The following MYO3A variants were observed in gnomAD, a reference collection of about 807,000 sequenced individuals.
MYO3A encodes the protein myosin-IIIa.
MYO3A carries 180 observed loss-of-function variants against 192.7 expected under a neutral mutation model. The ratio of observed to expected loss-of-function variants is 0.93; its 90% CI spans 0.83 to 1.06. The LOEUF (loss-of-function observed/expected upper bound fraction) is 1.06. Among genes scored for constraint, MYO3A ranks in the 50% least tolerant of loss-of-function variants. The pLI is 0.00. For missense variants in MYO3A, 1,896 were observed against 1,905.0 expected (o/e 1.00, Z 0.09); for synonymous variants, 628 against 645.3 (o/e 0.97, Z 0.41).
At chr10:26,113,819 G>A (rs921081754) in intron 17 of MYO3A, among the ~76,000 whole-genome samples, 2 of 152,086 alleles carry the variant, frequency 1.3e-5, no homozygotes, top group East Asian at 1.9e-4. Flanking sequence ...TAAAAGGAGG[G>A]GAAAGGGATA....
intron 34 of MYO3A, among the ~76,000 whole-genome samples, chr10:26,208,620 G>T (rs1197400765): frequency 6.6e-6 from 1 of 152,210 alleles, no homozygotes; most frequent in Non-Finnish European, 1.5e-5. Context: ...GAAAATTCAA[G>T]TCAGTAACTC....
intron 4 of MYO3A, among the ~76,000 whole-genome samples, chr10:25,993,543 G>C (rs2130877686): frequency 6.6e-6 from 1 of 152,048 alleles, no homozygotes; most frequent in East Asian, 1.9e-4. Context: ...GTTATTTCTT[G>C]CCTTCTGCTA....
At chr10:26,178,979 T>A (rs1385195578) in intron 31 of MYO3A, among the ~76,000 whole-genome samples, 1 of 151,510 alleles carries the variant, frequency 6.6e-6, no homozygotes, top group Non-Finnish European at 1.5e-5. Flanking sequence ...TTTTTTATAT[T>A]TTTAGTAGAG....
At chr10:26,065,334 A>G (rs1474170744) in intron 10 of MYO3A, among the ~76,000 whole-genome samples, 1 of 152,158 alleles carries the variant, frequency 6.6e-6, no homozygotes. Flanking sequence ...CTATAATCCA[A>G]GCACACTGGG....
At chr10:25,943,117 T>G (rs183381366) in intron 2 of MYO3A, among the ~76,000 whole-genome samples, 31 of 152,184 alleles carry the variant, frequency 2.0e-4, no homozygotes, top group African/African-American at 7.2e-4. Context: ...GAGTTAATTT[T>G]TATATATGAT....
chr10:26,066,674 G>A (rs371334840), intron 10 of MYO3A, among the ~76,000 whole-genome samples: 1 of 152,254 alleles, frequency 6.6e-6, no homozygotes. Context: ...TCATCACCTT[G>A]TAACAGATTC....
At chr10:25,935,525 G>C (rs922223944) in intron 1 of MYO3A, among the ~76,000 whole-genome samples, 3 of 152,136 alleles carry the variant, frequency 2.0e-5, no homozygotes, top group Admixed American at 6.5e-5. Context: ...TAATTCAGAC[G>C]GATCTGGTAG....
At chr10:26,099,672 G>A (rs1837305427) in intron 17 of MYO3A, among the ~76,000 whole-genome samples, 1 of 152,148 alleles carries the variant, frequency 6.6e-6, no homozygotes. Flanking sequence ...AGATAATCAT[G>A]TGGTTTTTGT....
At chr10:26,078,974 A>T (rs1260073869) in intron 14 of MYO3A, among the ~76,000 whole-genome samples, 1 of 152,306 alleles carries the variant, frequency 6.6e-6, no homozygotes, top group East Asian at 1.9e-4. Flanking sequence ...GTTGAATAGA[A>T]TGTATATTCT....
chr10:26,128,844 G>A (rs183120584), intron 20 of MYO3A, among the ~76,000 whole-genome samples: 6 of 152,190 alleles, frequency 3.9e-5, no homozygotes, highest in South Asian at 2.1e-4. Context: ...AGACAGATGC[G>A]TCCAACAGTT....
intron 18 of MYO3A, among the ~76,000 whole-genome samples, chr10:26,123,000 C>T (rs968650368): frequency 2.0e-5 from 3 of 152,098 alleles, no homozygotes; most frequent in Non-Finnish European, 4.4e-5. Context: ...ACTAGGGAAT[C>T]GGTATTGTAG....
intron 17 of MYO3A, among the ~76,000 whole-genome samples, chr10:26,113,109 A>G (rs1200655326): frequency 1.3e-5 from 2 of 152,210 alleles, no homozygotes; most frequent in Non-Finnish European, 2.9e-5. Context: ...TATTTGTGAA[A>G]GAAATTAAAT....
At chr10:26,140,231 C>A (rs1466601151) in intron 20 of MYO3A, among the ~76,000 whole-genome samples, 1 of 152,196 alleles carries the variant, frequency 6.6e-6, no homozygotes, top group Admixed American at 6.5e-5. Context: ...ACCACCCTTC[C>A]ATGCTGCTGT....
In MYO3A at chr10:26,153,975, C is replaced by G. The variant is rs757039876; in HGVS notation, c.2715+46C>G. The G allele has an allele frequency of 7.6e-6, 10 of 1,318,294 alleles. No homozygotes were observed. The Admixed American group carries it at 1.0e-4, about 13-fold the overall frequency. 81.7% of individuals were successfully genotyped at this position (1,318,294 alleles called of 1,614,324 possible). A position where few individuals can be genotyped will look rare whatever the true frequency, so the allele number is the denominator to read the frequency against. ...TTGGCAGTGAGTCTAAGAATCTAAC[C>G]GGTATGATGGCAATATTTGTATGCT... On this transcript the variant is annotated intron_variant, in intron 24 of 34. Coordinates refer to ENST00000642920, the MANE Select transcript of MYO3A (RefSeq NM_017433.5).
At chr10:25,959,722 C>T (rs754198449) in intron 4 of MYO3A, among the ~76,000 whole-genome samples, 7 of 151,892 alleles carry the variant, frequency 4.6e-5, no homozygotes, top group Non-Finnish European at 1.0e-4. Flanking sequence ...CCCAGATTAC[C>T]CATTTTGCTG....
chr10:26,172,533 G>T (rs192898741), intron 29 of MYO3A, among the ~76,000 whole-genome samples: 1 of 152,288 alleles, frequency 6.6e-6, no homozygotes, highest in African/African-American at 2.4e-5. Context: ...TGCATTTAAA[G>T]GATCAAAACT....
intron 10 of MYO3A, among the ~76,000 whole-genome samples, chr10:26,049,768 T>C (rs1843876973): frequency 6.7e-6 from 1 of 149,170 alleles, no homozygotes; most frequent in South Asian, 2.2e-4. Flanking sequence ...CTTTGCCTTC[T>C]GGGTTCAAGC....
intron 4 of MYO3A, among the ~76,000 whole-genome samples, chr10:25,988,901 A>G (rs995431815): frequency 6.7e-6 from 1 of 150,086 alleles, no homozygotes; most frequent in Non-Finnish European, 1.5e-5. Flanking sequence ...TAGTCTCCCT[A>G]CAGTGCTTTT....
At chr10:26,120,373 T>C (rs559945028) in intron 17 of MYO3A, among the ~76,000 whole-genome samples, 1 of 152,250 alleles carries the variant, frequency 6.6e-6, no homozygotes, top group Non-Finnish European at 1.5e-5. Flanking sequence ...TATGGCCTAA[T>C]GAATGAGGCA....
Sources: gnomAD v4.1 joint callset for allele counts (sites outside exome capture counted in the v4.1 genomes callset) on GRCh38, gnomAD v4.1.1 for gene constraint, MANE v1.5 for transcripts, NCBI Gene and HGNC (gene_info 2026-07-23, HGNC 2026-07-21) for gene names.